Variants in CHRM5 observed in about 807,000 individuals in gnomAD.
CHRM5 encodes the protein muscarinic acetylcholine receptor M5.
Under a neutral mutation model 39.0 loss-of-function variants are expected in CHRM5, and 18 were observed. That is an observed-to-expected ratio of 0.46 (90% CI 0.32 to 0.68). CHRM5 has a LOEUF of 0.68. CHRM5 is among the 30% of genes least tolerant of loss of function. The probability of loss-of-function intolerance (pLI) is 0.04; values close to 1 mark genes in which losing one functional copy is unlikely to be tolerated. For missense variants in CHRM5, 515 were observed against 651.1 expected (o/e 0.79, Z 2.28); for synonymous variants, 241 against 246.3 (o/e 0.98, Z 0.20).
intron 1 of CHRM5, among the ~76,000 whole-genome samples, chr15:34,012,703 C>T (rs1394813590): frequency 1.3e-5 from 2 of 152,276 alleles, no homozygotes; most frequent in East Asian, 3.9e-4. Flanking sequence ...TCTTCTGGCC[C>T]ACTTGAAGAT....
At chr15:34,021,296 T>C (rs1179446804) in intron 1 of CHRM5, among the ~76,000 whole-genome samples, 3 of 152,020 alleles carry the variant, frequency 2.0e-5, no homozygotes, top group Admixed American at 6.6e-5. Flanking sequence ...GTATCTTTTT[T>C]TTTTTTGAGA....
intron 2 of CHRM5, among the ~76,000 whole-genome samples, chr15:34,055,010 T>C (rs1032439674): frequency 1.3e-5 from 2 of 151,948 alleles, no homozygotes; most frequent in African/African-American, 2.4e-5. Context: ...CTGACCAACA[T>C]GGAGAAACCC....
intron 2 of CHRM5, among the ~76,000 whole-genome samples, chr15:34,047,405 G>T (rs2684949): frequency 1.3e-5 from 2 of 152,190 alleles, no homozygotes; most frequent in Non-Finnish European, 2.9e-5. Context: ...ATACTCCAAC[G>T]CTGGGATCCC....
At chr15:34,009,887 A>G (rs1006034203) in intron 1 of CHRM5, among the ~76,000 whole-genome samples, 1 of 152,138 alleles carries the variant, frequency 6.6e-6, no homozygotes, top group Admixed American at 6.6e-5. Context: ...ACTTGAGCCC[A>G]AGAGTTTGAA....
At chr15:34,047,666 C>T (rs940108759) in intron 2 of CHRM5, among the ~76,000 whole-genome samples, 6 of 152,156 alleles carry the variant, frequency 3.9e-5, no homozygotes, top group Admixed American at 2.6e-4. Flanking sequence ...TTTGGAGAAT[C>T]GAAACAGTCC....
At chr15:33,993,658 A>T (rs1896818106) in intron 1 of CHRM5, among the ~76,000 whole-genome samples, 1 of 152,202 alleles carries the variant, frequency 6.6e-6, no homozygotes, top group Non-Finnish European at 1.5e-5. Context: ...TTATTAAACC[A>T]ACATAAATAA....
intron 1 of CHRM5, among the ~76,000 whole-genome samples, chr15:33,994,564 AGGTTGG>A (rs1896858442): frequency 6.6e-6 from 1 of 152,206 alleles, no homozygotes; most frequent in Non-Finnish European, 1.5e-5. Context: ...GGTGCCAAAA[AGGTTGG>A]GGACCTCTGC....
intron 2 of CHRM5, among the ~76,000 whole-genome samples, chr15:34,054,669 C>T (rs1033454300): frequency 6.6e-5 from 10 of 152,110 alleles, no homozygotes; most frequent in Admixed American, 6.6e-4. Context: ...AAACAACACA[C>T]ACTGGAGCCT....
intron 1 of CHRM5, among the ~76,000 whole-genome samples, chr15:34,039,718 A>ATTT (rs1899385993): frequency 6.6e-6 from 1 of 152,218 alleles, no homozygotes. Flanking sequence ...TTCTGTAGAA[A>ATTT]TGACTACTAC....
chr15:33,985,799 CTTTT>C (rs924540323), intron 1 of CHRM5, among the ~76,000 whole-genome samples: 4 of 152,096 alleles, frequency 2.6e-5, no homozygotes, highest in African/African-American at 4.8e-5. Context: ...GTCACTTAAT[CTTTT>C]TAAGCTTCAT....
intron 1 of CHRM5, among the ~76,000 whole-genome samples, chr15:34,027,754 G>A (rs1278587919): frequency 6.7e-6 from 1 of 148,984 alleles, no homozygotes; most frequent in African/African-American, 2.5e-5. Flanking sequence ...TATTACCAGA[G>A]AGTTTGTCAA....
chr15:33,987,250 T>G (rs1008678405), intron 1 of CHRM5, among the ~76,000 whole-genome samples: 1 of 152,244 alleles, frequency 6.6e-6, no homozygotes, highest in African/African-American at 2.4e-5. Context: ...TGTGCTTTAT[T>G]CTTTTGCATA....
chr15:34,020,769 G>A (rs1407075574), intron 1 of CHRM5, among the ~76,000 whole-genome samples: 2 of 152,102 alleles, frequency 1.3e-5, no homozygotes, highest in Non-Finnish European at 2.9e-5. Context: ...AATTTCGTAA[G>A]ACACAAGATA....
rs1482207132 is a variant in CHRM5, at chr15:34,063,155, G to T, written c.438G>T (p.Arg146Ser). 6.2e-7 allele frequency: 1 copy of T among 1,613,986 alleles called. No homozygotes were observed. The highest frequency in any genetic ancestry group is 8.5e-7 in the Non-Finnish European group (1 of 1,180,038). ...LTYRAKRTPK[R>S]AGIMIGLAWL... ...ATCGGGCCAAGCGTACTCCGAAAAG[G>T]GCTGGCATCATGATTGGCTTGGCCT... The change falls in exon 3 of 3, where the codon AGG (arginine) becomes AGT (serine). Residue 146 changes from arginine to serine, a missense_variant. By Grantham distance (110) the Arg-to-Ser change is moderately radical. Coordinates refer to ENST00000383263, the MANE Select transcript of CHRM5 (RefSeq NM_012125.4). This position sits in a 1 kb window ranked among gnomAD's most constrained non-coding sequence, Gnocchi z 4.1.
intron 1 of CHRM5, among the ~76,000 whole-genome samples, chr15:33,989,007 C>T (rs765521201): frequency 1.3e-5 from 2 of 152,014 alleles, no homozygotes; most frequent in East Asian, 3.9e-4. Context: ...AATTATTAAA[C>T]CATTTCTCAG....
At chr15:34,013,904 G>C (rs920720433) in intron 1 of CHRM5, among the ~76,000 whole-genome samples, 7 of 152,162 alleles carry the variant, frequency 4.6e-5, no homozygotes, top group Non-Finnish European at 7.3e-5. Flanking sequence ...CCTACTGAAG[G>C]AACGGCTGCT....
chr15:33,975,669 C>G (rs534591204), intron 1 of CHRM5, among the ~76,000 whole-genome samples: 7 of 152,238 alleles, frequency 4.6e-5, no homozygotes, highest in South Asian at 4.1e-4. Context: ...CGGTGGCTCA[C>G]GCCTGTAATC....
intron 1 of CHRM5, among the ~76,000 whole-genome samples, chr15:34,034,463 G>GAA (rs1899024912): frequency 6.7e-6 from 1 of 148,924 alleles, no homozygotes; most frequent in Non-Finnish European, 1.5e-5. Context: ...AAAAAAAAAG[G>GAA]AAAAGAAAAA....
At chr15:33,990,571 T>C (rs996381975) in intron 1 of CHRM5, 7 of 152,232 alleles carry the variant, frequency 4.6e-5, no homozygotes, top group Non-Finnish European at 7.3e-5. Flanking sequence ...GCTTAAATTA[T>C]CTAATAATAA....
Sources: gnomAD v4.1 joint callset for allele counts (sites outside exome capture counted in the v4.1 genomes callset) on GRCh38, gnomAD v4.1.1 for gene constraint, Gnocchi (gnomAD v3.1) non-coding constraint, MANE v1.5 for transcripts, NCBI Gene and HGNC (gene_info 2026-07-23, HGNC 2026-07-21) for gene names.